Variants in RFX2 observed in about 807,000 individuals in gnomAD.
RFX2 encodes the protein regulatory factor X2.
A neutral mutation model predicts 87.8 loss-of-function variants in RFX2; 20 were observed. The observed-to-expected ratio is 0.23, with a 90% CI of 0.16 to 0.33. The LOEUF (loss-of-function observed/expected upper bound fraction) is 0.33, where lower values mean the gene tolerates loss of function less well. Ranked by LOEUF, RFX2 falls within the 10% of genes least tolerant of loss-of-function variation. RFX2 has a pLI of 1.00. For missense variants in RFX2, 767 were observed against 1,012.3 expected, an observed-to-expected ratio of 0.76 and a Z score of 3.29; for synonymous variants, 397 against 431.3, an observed-to-expected ratio of 0.92 and a Z score of 0.98.
chr19:6,010,203 G>T lies in RFX2; in HGVS notation c.948C>A (p.His316Gln). Residue 316 changes from histidine (H) to glutamine (Q), a missense_variant, in exon 9 of 18, where the codon CAC becomes CAA. Coordinates refer to ENST00000303657, the MANE Select transcript of RFX2 (RefSeq NM_000635.4). The surrounding 1 kb of genome is among the most constrained non-coding windows in gnomAD (Gnocchi z 5.0). ...KTDSLGDSGS[H>Q]SGLHSTPEQT... Reference sequence around the variant, plus strand: ...GTTCCGGAGTGCTGTGCAGGCCGCTGTGGGAGCCGCTGTCCCCGAGGCTGT... The same window carrying T: ...GTTCCGGAGTGCTGTGCAGGCCGCTTTGGGAGCCGCTGTCCCCGAGGCTGT... 1 of 1,548,638 alleles carries T rather than the reference G, an allele frequency of 6.5e-7. No homozygotes were observed.
At chr19:6,030,117 G>A (rs1450431803) in intron 5 of RFX2, among the ~76,000 whole-genome samples, 1 of 152,196 alleles carries the variant, frequency 6.6e-6, no homozygotes, top group African/African-American at 2.4e-5. Context: ...TGAAAGGCAT[G>A]AATCTATACA....
chr19:6,003,108 A>G (rs1229551148), intron 13 of RFX2, among the ~76,000 whole-genome samples: 1 of 152,156 alleles, frequency 6.6e-6, no homozygotes, highest in East Asian at 1.9e-4. Flanking sequence ...CGTGCTGCTG[A>G]GTTAGAATTC....
In RFX2 at chr19:6,004,917, G is replaced by T. The variant is rs554418668; in HGVS notation, c.1403-619C>A. 6.6e-6 allele frequency among the ~76,000 whole-genome samples: 1 copy of T among 151,944 alleles called. No homozygotes were observed. The highest frequency in any genetic ancestry group is 2.4e-5 in the African/African-American group (1 of 41,368). The stretch of plus-strand genomic sequence containing the variant: ...GCGGATCACCTGAGGTCCGGAGTTC[G>T]AGACCAGCCTGGCCAACATGGTGAA... On this transcript the variant is annotated intron_variant, in intron 12 of 17. Transcript: ENST00000303657. The surrounding 1 kb of genome is among the most constrained non-coding windows in gnomAD (Gnocchi z 4.8).
chr19:5,994,772 C>T lies in RFX2; in HGVS notation c.*63G>A. 9.1e-7 allele frequency: 1 copy of T among 1,103,562 alleles called. No individual in the cohort carries two copies. Among genetic ancestry groups the T allele is most frequent in the Non-Finnish European group, 1.3e-6 (1 of 742,258 alleles). The allele number at this position is 1,103,562 out of a possible 1,614,324, so 68.4% of individuals were successfully genotyped here. ...ACTAATTTGGTGGAGCCGGTGAAATCCAGGTTCCCAGAGTGACCAGGCGGC... is the reference window on the plus strand; with the variant it reads ...ACTAATTTGGTGGAGCCGGTGAAATTCAGGTTCCCAGAGTGACCAGGCGGC... On this transcript the variant is annotated 3_prime_UTR_variant, in exon 18 of 18. Coordinates refer to ENST00000303657, the MANE Select transcript of RFX2 (RefSeq NM_000635.4).
At chr19:6,041,256 G>C (rs1363718666) in intron 4 of RFX2, among the ~76,000 whole-genome samples, 1 of 152,124 alleles carries the variant, frequency 6.6e-6, no homozygotes, top group East Asian at 1.9e-4. Context: ...AGTGGCTGGG[G>C]TTAGAATCAT....
intron 1 of RFX2, among the ~76,000 whole-genome samples, chr19:6,060,088 T>C (rs935649843): frequency 6.6e-6 from 1 of 151,902 alleles, no homozygotes; most frequent in Non-Finnish European, 1.5e-5. Flanking sequence ...TTGTCCCCCT[T>C]TTCTGACACC....
intron 1 of RFX2, among the ~76,000 whole-genome samples, chr19:6,082,892 T>C (rs1401105682): frequency 1.3e-5 from 2 of 152,204 alleles, no homozygotes; most frequent in Non-Finnish European, 2.9e-5. Flanking sequence ...GAAGCAGCAG[T>C]GCTGATCCTG....
At position 6,002,744 on chromosome 19, in the gene RFX2, G is replaced by T; in HGVS notation, c.1627C>A (p.Arg543Ser). 1.2e-6 allele frequency: 2 copies of T among 1,613,884 alleles called. No individual in the cohort carries two copies. Among genetic ancestry groups the T allele is most frequent in the Non-Finnish European group, 1.7e-6 (2 of 1,179,952 alleles). The change falls in exon 14 of 18, where the codon CGC becomes AGC. Residue 543 changes from arginine (R) to serine (S), a missense_variant. Physicochemically the swap from Arg to Ser is moderately radical, Grantham distance 110. Coordinates refer to ENST00000303657, the MANE Select transcript of RFX2 (RefSeq NM_000635.4). This position sits in a 1 kb window ranked among gnomAD's most constrained non-coding sequence, Gnocchi z 6.7. ...ACCTGCACGTTGGCAAAGTCCACGC[G>T]GTTGAGGTCGCTGAGCATCTGGTTG... ...QINQMLSDLN[R>S]VDFANVQEQA...
At chr19:6,054,521 T>C (rs1178864852) in intron 1 of RFX2, among the ~76,000 whole-genome samples, 1 of 152,186 alleles carries the variant, frequency 6.6e-6, no homozygotes, top group Non-Finnish European at 1.5e-5. Flanking sequence ...ATATAAATAA[T>C]ATAACCCACA....
rs917374370 is a variant in RFX2 at position 6,024,346 on chromosome 19, A to G, written c.597+1817T>C. Reference sequence around the variant, plus strand: ...CGTGTGGAAGACTCCCTTCTCCCTGAGTTCATCTACAGGGAGGATGTCATC... The same window carrying G: ...CGTGTGGAAGACTCCCTTCTCCCTGGGTTCATCTACAGGGAGGATGTCATC... On this transcript the variant is annotated intron_variant, in intron 6 of 17. Coordinates refer to ENST00000303657, the MANE Select transcript of RFX2 (RefSeq NM_000635.4). The surrounding 1 kb of genome is among the most constrained non-coding windows in gnomAD (Gnocchi z 5.0). Among the ~76,000 whole-genome samples the G allele has an allele frequency of 6.6e-6, 1 of 152,172 alleles. No homozygotes were observed. Among genetic ancestry groups the G allele is most frequent in the Non-Finnish European group, 1.5e-5 (1 of 68,014 alleles).
At position 5,997,610 on chromosome 19, in the gene RFX2, TC is replaced by T. The variant is rs1419398936; in HGVS notation, c.1860-398del. ...CACAGGCTGGCAGCTGGTGCCTGTC[TC>T]CCCAGCAGGAGGCGCCTTTCCCCAC... On this transcript the variant is annotated intron_variant, in intron 15 of 17. Coordinates refer to ENST00000303657, the MANE Select transcript of RFX2 (RefSeq NM_000635.4). This position sits in a 1 kb window ranked among gnomAD's most constrained non-coding sequence, Gnocchi z 4.2. Among the ~76,000 whole-genome samples, 4 of 152,120 alleles carry T rather than the reference TC, an allele frequency of 2.6e-5. No individual in the cohort carries two copies. The highest frequency in any genetic ancestry group is 7.2e-5 in the African/African-American group (3 of 41,416).
chr19:6,002,954 G>A lies in RFX2; in HGVS notation c.1501-84C>T. The A allele has an allele frequency of 6.9e-7, 1 of 1,450,206 alleles. No individual in the cohort carries two copies. Among genetic ancestry groups the A allele is most frequent in the Non-Finnish European group, 9.3e-7 (1 of 1,074,936 alleles). The allele number at this position is 1,450,206 out of a possible 1,614,324, so 89.8% of individuals were successfully genotyped here. A position where few individuals can be genotyped will look rare whatever the true frequency, so the allele number is the denominator to read the frequency against. ...TCCTTGCAGGGGTGTGTGGGCTCAG[G>A]GACAACACAGGGAGGAGGGAGCAGG... is the stretch of plus-strand genomic sequence containing the variant. On this transcript the variant is annotated intron_variant, in intron 13 of 17. Coordinates refer to ENST00000303657, the MANE Select transcript of RFX2 (RefSeq NM_000635.4). This position sits in a 1 kb window ranked among gnomAD's most constrained non-coding sequence, Gnocchi z 6.7.
chr19:6,098,927 T>C (rs930627416), intron 1 of RFX2, among the ~76,000 whole-genome samples: 1 of 129,512 alleles, frequency 7.7e-6, no homozygotes, highest in Non-Finnish European at 1.5e-5. Flanking sequence ...ACCCCAAATG[T>C]ATGCAGCTTT....
At chr19:6,046,310 G>A (rs2087188451) in intron 2 of RFX2, among the ~76,000 whole-genome samples, 1 of 152,162 alleles carries the variant, frequency 6.6e-6, no homozygotes, top group Non-Finnish European at 1.5e-5. Flanking sequence ...GCTGGGCGTG[G>A]TGGCTCACGC....
chr19:6,075,855 G>A (rs55770388), intron 1 of RFX2, among the ~76,000 whole-genome samples: 38 of 152,262 alleles, frequency 2.5e-4, no homozygotes, highest in Admixed American at 7.2e-4. Flanking sequence ...CTTGTACCTC[G>A]GTGAGATCAC....
intron 6 of RFX2, among the ~76,000 whole-genome samples, chr19:6,025,952 A>G (rs767614463): frequency 6.6e-6 from 1 of 151,240 alleles, no homozygotes; most frequent in Non-Finnish European, 1.5e-5. Flanking sequence ...TGCCCAGCTA[A>G]TTTTTCTATT....
At chr19:6,032,118 T>C (rs1165450772) in intron 5 of RFX2, among the ~76,000 whole-genome samples, 3 of 152,008 alleles carry the variant, frequency 2.0e-5, no homozygotes, top group African/African-American at 7.3e-5. Context: ...ATTGTTTTTA[T>C]TTTATTATTA....
chr19:6,085,506 G>GA (rs1487892866), intron 1 of RFX2, among the ~76,000 whole-genome samples: 1 of 152,128 alleles, frequency 6.6e-6, no homozygotes, highest in Non-Finnish European at 1.5e-5. Context: ...TATCTATTTT[G>GA]AATATTAACC....
At chr19:6,029,214 C>T (rs2086925849) in intron 5 of RFX2, among the ~76,000 whole-genome samples, 2 of 150,822 alleles carry the variant, frequency 1.3e-5, no homozygotes, top group Admixed American at 1.3e-4. Flanking sequence ...CCATGTTAAA[C>T]TATTCAAAAT....
Sources: allele counts gnomAD v4.1 joint callset (sites outside exome capture counted in the v4.1 genomes callset), GRCh38; gene constraint gnomAD v4.1.1; non-coding constraint Gnocchi (gnomAD v3.1); transcripts MANE v1.5; gene names NCBI Gene and HGNC (gene_info 2026-07-23, HGNC 2026-07-21).